The following ANK2 variants were observed in gnomAD, a reference collection of about 807,000 sequenced individuals.
ANK2 encodes ankyrin 2, also known as ankyrin-2.
In ANK2, 83 loss-of-function variants were observed where a neutral mutation model predicts 360.5. The observed-to-expected ratio is 0.23, with a 90% CI of 0.19 to 0.28. The LOEUF is 0.28. Among genes scored for constraint, ANK2 ranks in the 10% least tolerant of loss-of-function variants. The pLI, the probability that ANK2 is intolerant of heterozygous loss-of-function variation, is 1.00. For missense variants in ANK2, 4,201 were observed against 4,795.7 expected, an observed-to-expected ratio of 0.88 and a Z score of 3.66; for synonymous variants, 1,740 against 1,759.5, an observed-to-expected ratio of 0.99 and a Z score of 0.28.
intron 14 of ANK2, among the ~76,000 whole-genome samples, chr4:113,267,682 G>A (rs562108481): frequency 6.6e-6 from 1 of 152,276 alleles, no homozygotes; most frequent in East Asian, 1.9e-4. Flanking sequence ...GTCAGGTAGT[G>A]TGATGCCTCC....
At chr4:113,300,589 G>C (rs963856536) in intron 22 of ANK2, among the ~76,000 whole-genome samples, 2 of 152,160 alleles carry the variant, frequency 1.3e-5, no homozygotes, top group Admixed American at 6.5e-5. Flanking sequence ...CATAGCAGCA[G>C]ATAAACACAG....
In ANK2 at chr4:113,199,087, C is replaced by T. The variant is rs2153405621; in HGVS notation, c.362C>T (p.Ala121Val). The change falls in exon 4 of 46, where the codon GCC becomes GTC. Residue 121 changes from alanine (A) to valine (V), a missense_variant. By Grantham distance (64) the Ala-to-Val change is moderately conservative (BLOSUM62 0). This residue lies in a region of ANK2 where 169 missense variants were observed against 191.1 expected (regional missense o/e 0.88). Transcript: ENST00000357077. ...EVVKVLVKEG[A>V]NINAQSQNGF... is the part of the protein sequence containing the mutation. ...GTCAAAGTTCTTGTTAAGGAAGGAGCCAATATTAATGCACAGTCTCAGGTA... is the reference window on the plus strand; with the variant it reads ...GTCAAAGTTCTTGTTAAGGAAGGAGTCAATATTAATGCACAGTCTCAGGTA... 1 of 1,611,816 alleles carries T rather than the reference C, an allele frequency of 6.2e-7. No homozygotes were observed.
At chr4:113,250,240 G>A (rs2045401174) in intron 10 of ANK2, among the ~76,000 whole-genome samples, 1 of 152,082 alleles carries the variant, frequency 6.6e-6, no homozygotes, top group Non-Finnish European at 1.5e-5. Context: ...AGAACAATTA[G>A]CAACACAAAA....
At chr4:112,768,023 G>A in the ANK2 span, among the ~76,000 whole-genome samples, 1 of 152,160 alleles carries the variant, frequency 6.6e-6, no homozygotes, top group African/African-American at 2.4e-5. Flanking sequence ...GACAGGGAGA[G>A]GGAAAAGAAG....
the ANK2 span, among the ~76,000 whole-genome samples, chr4:112,754,477 C>T: frequency 3.7e-4 from 55 of 148,060 alleles, no homozygotes; most frequent in Non-Finnish European, 5.6e-4. Flanking sequence ...GTTGGGTCCT[C>T]GTTGTTTTTG....
chr4:113,114,525 G>C (rs1013965377), intron 1 of ANK2, among the ~76,000 whole-genome samples: 1 of 151,452 alleles, frequency 6.6e-6, no homozygotes, highest in South Asian at 2.1e-4. Flanking sequence ...GAAAGTAAAA[G>C]AGTCTTAGAG....
chr4:113,381,510 A>T lies in ANK2; in HGVS notation c.*39A>T. 6.2e-7 allele frequency: 1 copy of T among 1,614,078 alleles called. No homozygotes were observed. Among genetic ancestry groups the T allele is most frequent in the South Asian group, 1.1e-5 (1 of 91,064 alleles). On this transcript the variant is annotated 3_prime_UTR_variant, in exon 46 of 46. Transcript: ENST00000357077. ...AAGAGGGCTGTGGTGAAGGACCAGCATGGAAAACGCATTGACTTGGAGCAC... is the reference window on the plus strand; with the variant it reads ...AAGAGGGCTGTGGTGAAGGACCAGCTTGGAAAACGCATTGACTTGGAGCAC...
At chr4:112,843,655 T>A (rs1416736599) in intron 1 of ANK2, among the ~76,000 whole-genome samples, 1 of 152,190 alleles carries the variant, frequency 6.6e-6, no homozygotes, top group Non-Finnish European at 1.5e-5. Flanking sequence ...AATGAATGAA[T>A]TTCCCAAAAA....
intron 2 of ANK2, among the ~76,000 whole-genome samples, chr4:112,965,036 C>T (rs1027878093): frequency 6.6e-6 from 1 of 152,202 alleles, no homozygotes; most frequent in African/African-American, 2.4e-5. Context: ...GTTGCTGGAT[C>T]ATATGGTAAC....
the ANK2 span, among the ~76,000 whole-genome samples, chr4:112,757,400 C>G: frequency 6.6e-6 from 1 of 152,082 alleles, no homozygotes; most frequent in East Asian, 1.9e-4. Context: ...AGGCGTGAGC[C>G]ACTGTGTCCG....
intron 14 of ANK2, among the ~76,000 whole-genome samples, chr4:113,270,089 A>G (rs995374682): frequency 6.6e-6 from 1 of 152,174 alleles, no homozygotes; most frequent in Non-Finnish European, 1.5e-5. Flanking sequence ...CCTGGCATTC[A>G]GCTATTTGAA....
intron 20 of ANK2, 36 bp downstream of exon 20, chr4:113,288,522 C>A (rs1260453375): frequency 1.3e-6 from 2 of 1,561,330 alleles, no homozygotes; most frequent in Non-Finnish European, 1.8e-6. Context: ...TTCCTATAAG[C>A]AAAAAGGTTC....
intron 1 of ANK2, among the ~76,000 whole-genome samples, chr4:112,837,876 G>T (rs28798987): frequency 0.098 from 14,900 of 152,244 alleles, 1,614 homozygotes; most frequent in African/African-American, 0.27. Context: ...CTCATAGGCA[G>T]AAGGGACTTG....
chr4:112,799,358 T>C, the ANK2 span, among the ~76,000 whole-genome samples: 1 of 152,166 alleles, frequency 6.6e-6, no homozygotes, highest in Non-Finnish European at 1.5e-5. Context: ...GGCTGGATCA[T>C]ATTGTAATTC....
At chr4:112,846,105 T>C (rs2063228787) in intron 1 of ANK2, among the ~76,000 whole-genome samples, 1 of 152,074 alleles carries the variant, frequency 6.6e-6, no homozygotes, top group South Asian at 2.1e-4. Context: ...TTCCTTCCTA[T>C]TAAATTTTTT....
intron 3 of ANK2, among the ~76,000 whole-genome samples, chr4:113,196,676 C>A (rs1013463424): frequency 6.6e-6 from 1 of 151,924 alleles, no homozygotes; most frequent in Admixed American, 6.6e-5. Context: ...TACAGGCGTG[C>A]GCCACCATGC....
intron 5 of ANK2, among the ~76,000 whole-genome samples, chr4:113,233,081 C>T (rs984065220): frequency 7.4e-6 from 1 of 135,724 alleles, no homozygotes; most frequent in Non-Finnish European, 1.5e-5. Context: ...CTGTTTCAAC[C>T]AGAGTATATG....
chr4:113,139,532 A>ATATTTG (rs2096564662), intron 1 of ANK2, among the ~76,000 whole-genome samples: 1 of 152,216 alleles, frequency 6.6e-6, no homozygotes, highest in African/African-American at 2.4e-5. Flanking sequence ...CTGTACACAC[A>ATATTTG]TATTTGTCTT....
chr4:112,731,750 C>G, the ANK2 span, among the ~76,000 whole-genome samples: 45 of 151,734 alleles, frequency 3.0e-4, no homozygotes, highest in South Asian at 9.1e-3. Context: ...AAAAAAAGTA[C>G]ATATAGTAAC....
Sources: gnomAD v4.1 joint callset for allele counts (sites outside exome capture counted in the v4.1 genomes callset) on GRCh38, gnomAD v4.1.1 for gene constraint, gnomAD v4.1.1 regional missense constraint, MANE v1.5 for transcripts, NCBI Gene and HGNC (gene_info 2026-07-23, HGNC 2026-07-21) for gene names.